The following SEMA4A variants were observed in gnomAD, a reference collection of about 807,000 sequenced individuals.
The protein encoded by SEMA4A is semaphorin-4A.
Under a neutral mutation model 72.5 loss-of-function variants are expected in SEMA4A, and 52 were observed. The ratio of observed to expected loss-of-function variants is 0.72; its 90% CI spans 0.57 to 0.90. The LOEUF is 0.90. SEMA4A is among the 40% of genes least tolerant of loss of function. The pLI is 0.00. For synonymous variants in SEMA4A, 369 were observed against 393.1 expected (o/e 0.94, Z 0.73); for missense variants, 926 against 959.7 (o/e 0.96, Z 0.46).
chr1:156,151,277 G>T (rs1652513517), upstream of SEMA4A, among the ~76,000 whole-genome samples: 1 of 152,236 alleles, frequency 6.6e-6, no homozygotes, highest in South Asian at 2.1e-4. Flanking sequence ...GGCCCTGTGT[G>T]GCTGCACAGG....
chr1:156,152,608 AGGATATGTCTGAGACCAACCCCCGG>A (rs1385762557), upstream of SEMA4A, among the ~76,000 whole-genome samples: 3 of 152,210 alleles, frequency 2.0e-5, no homozygotes, highest in African/African-American at 7.2e-5. Context: ...ATTGTCAGGC[AGGATATGTCTGAGACCAACCCCCGG>A]GGAAACTGAG....
chr1:156,155,859 C>G, intron 2 of SEMA4A: 1 of 195,428 alleles, frequency 5.1e-6, no homozygotes, highest in East Asian at 1.3e-4. Context: ...GCTCACCATC[C>G]CTGCCCAGGG....
At chr1:156,151,662 A>G (rs906064938), upstream of SEMA4A, among the ~76,000 whole-genome samples, 4 of 151,754 alleles carry the variant, frequency 2.6e-5, no homozygotes, top group Admixed American at 2.6e-4. Context: ...GTGAAACCCC[A>G]TCTCTACTAA....
Position 156,154,530 on chromosome 1 carries a change from C to T in SEMA4A, c.-29-20C>T, listed in dbSNP as rs1449213508. On this transcript the variant is annotated intron_variant, in intron 1 of 14. Transcript: ENST00000368285. ...TAAGAACTGCTCACCCAGAAAGTGC[C>T]CGGGTGCCTGTTTCCCCAGAGCTCC... 6.3e-7 allele frequency: 1 copy of T among 1,588,748 alleles called. No individual in the cohort carries two copies. The highest frequency in any genetic ancestry group is 8.5e-7 in the Non-Finnish European group (1 of 1,171,866).
chr1:156,169,510 C>T (rs1654502728), intron 10 of SEMA4A, among the ~76,000 whole-genome samples: 1 of 148,992 alleles, frequency 6.7e-6, no homozygotes, highest in Non-Finnish European at 1.5e-5. Context: ...AGCTCCGCCT[C>T]CCAGGTTCAT....
In SEMA4A at chr1:156,177,529, A is replaced by T. The variant is rs779625915; in HGVS notation, c.*532A>T. The T allele has an allele frequency of 1.1e-5, 2 of 189,990 alleles. No individual in the cohort carries two copies. The highest frequency in any genetic ancestry group is 1.1e-5 in the Non-Finnish European group (1 of 89,276). 11.8% of individuals were successfully genotyped at this position (189,990 alleles called of 1,614,324 possible). Reference sequence around the variant, plus strand: ...AGTCGTGCACCGCTGACTCCCAGGAAGTCTTTCCTGAAGTCTGACCACCTT... The same window carrying T: ...AGTCGTGCACCGCTGACTCCCAGGATGTCTTTCCTGAAGTCTGACCACCTT... On this transcript the variant is annotated 3_prime_UTR_variant, in exon 15 of 15. Coordinates refer to ENST00000368285, the MANE Select transcript of SEMA4A (RefSeq NM_022367.4).
chr1:156,176,379 CT>C, intron 14 of SEMA4A, 25 bp from the exon 15 acceptor site: 1 of 1,549,742 alleles, frequency 6.5e-7, no homozygotes, highest in South Asian at 1.1e-5. Flanking sequence ...TCCCTTAACC[CT>C]TTTGCTCCTT....
At chr1:156,175,325 C>G in intron 13 of SEMA4A, 82 bp downstream of exon 13, 1 of 1,472,662 alleles carries the variant, frequency 6.8e-7, no homozygotes, top group South Asian at 1.2e-5. Context: ...CTTCCTCTCT[C>G]CAGGGGCTAC....
chr1:156,157,934 T>C lies in SEMA4A; in HGVS notation c.301-136T>C. On this transcript the variant is annotated intron_variant, in intron 3 of 14. Transcript: ENST00000368285. This position sits in a 1 kb window ranked among gnomAD's most constrained non-coding sequence, Gnocchi z 4.5. The stretch of plus-strand genomic sequence containing the variant: ...TAGCCATGGTCACAAACTGATGTTA[T>C]TACTGCCCATCAGCATGTCACTAAC... 1.2e-6 allele frequency: 1 copy of C among 803,890 alleles called. No individual in the cohort carries two copies. The highest frequency in any genetic ancestry group is 1.5e-5 in the South Asian group (1 of 68,544). The allele number at this position is 803,890 out of a possible 1,614,324, so 49.8% of individuals were successfully genotyped here. A position where few individuals can be genotyped will look rare whatever the true frequency, so the allele number is the denominator to read the frequency against.
In SEMA4A at chr1:156,157,446, A is replaced by G. The variant is rs1653142667; in HGVS notation, c.301-624A>G. Among the ~76,000 whole-genome samples the G allele has an allele frequency of 6.6e-6, 1 of 152,136 alleles. No homozygotes were observed. The highest frequency in any genetic ancestry group is 1.5e-5 in the Non-Finnish European group (1 of 68,028). Reference sequence around the variant, plus strand: ...TGATCCATCCGCCTCAGGCTTTCTAAGTGCTGGGATTACAGGTGTGAGCCA... The same window carrying G: ...TGATCCATCCGCCTCAGGCTTTCTAGGTGCTGGGATTACAGGTGTGAGCCA... On this transcript the variant is annotated intron_variant, in intron 3 of 14. Coordinates refer to ENST00000368285, the MANE Select transcript of SEMA4A (RefSeq NM_022367.4). The surrounding 1 kb of genome is among the most constrained non-coding windows in gnomAD (Gnocchi z 4.5).
rs767715432 is a variant in SEMA4A, at chr1:156,172,832, G to C, written c.1141G>C (p.Val381Leu). 8.7e-6 allele frequency: 14 copies of C among 1,614,058 alleles called. No homozygotes were observed. Among genetic ancestry groups the C allele is most frequent in the Non-Finnish European group, 1.2e-5 (14 of 1,180,026 alleles). The change falls in exon 11 of 15, where the codon GTG (valine) becomes CTG (leucine). Residue 381 changes from valine to leucine, a missense_variant. Coordinates refer to ENST00000368285, the MANE Select transcript of SEMA4A (RefSeq NM_022367.4). ...ETNPRPGSCS[V>L]GPSSDKALTF... ...TGCCTCCCTCCTCCTTTAGTGCTCA[G>C]TGGGCCCCTCCTCTGATAAGGCCCT...
chr1:156,158,786 C>T lies in SEMA4A; in HGVS notation c.530C>T (p.Pro177Leu), dbSNP rs1653292795. ...GTCATGGAGGGAAAAGGCCAAAGCC[C>T]CTTTGACCCCGCTCACAAGCATACG... ...DKVMEGKGQSPFDPAHKHTAV... is the reference protein window; with the variant it reads ...DKVMEGKGQSLFDPAHKHTAV... Residue 177 changes from proline (P) to leucine (L), a missense_variant, in exon 6 of 15, where the codon CCC becomes CTC. Coordinates refer to ENST00000368285, the MANE Select transcript of SEMA4A (RefSeq NM_022367.4). 2.5e-6 allele frequency: 4 copies of T among 1,614,056 alleles called. No individual in the cohort carries two copies. Among genetic ancestry groups the T allele is most frequent in the Non-Finnish European group, 3.4e-6 (4 of 1,180,012 alleles).
chr1:156,164,600 C>T (rs1189960234), intron 10 of SEMA4A, among the ~76,000 whole-genome samples: 1 of 152,170 alleles, frequency 6.6e-6, no homozygotes. Flanking sequence ...CATACAGTAA[C>T]TGCACCCACC....
intron 10 of SEMA4A, among the ~76,000 whole-genome samples, chr1:156,172,275 C>T (rs1654873098): frequency 6.6e-6 from 1 of 151,402 alleles, no homozygotes; most frequent in Admixed American, 6.6e-5. Context: ...GCCACCACCC[C>T]CAGCTAATAT....
At chr1:156,173,827 G>A (rs1232326779) in intron 11 of SEMA4A, among the ~76,000 whole-genome samples, 1 of 152,058 alleles carries the variant, frequency 6.6e-6, no homozygotes, top group East Asian at 1.9e-4. Flanking sequence ...TAGCCATTGT[G>A]GGCTGGGCAC....
intron 10 of SEMA4A, among the ~76,000 whole-genome samples, chr1:156,166,798 A>G (rs7517707): frequency 0.62 from 94,206 of 151,684 alleles, 29,684 homozygotes; most frequent in African/African-American, 0.68. Context: ...GCGTGGTGGC[A>G]CACACCTGTA....
At chr1:156,176,310 AAG>A in intron 14 of SEMA4A, 93 bp from the exon 15 acceptor site, 1 of 991,716 alleles carries the variant, frequency 1.0e-6, no homozygotes. Flanking sequence ...AAAAAAAAAA[AAG>A]AGGGCTGGGG....
At position 156,170,093 on chromosome 1, in the gene SEMA4A, TGG is replaced by T. The variant is rs1269606053; in HGVS notation, c.1135-2731_1135-2730del. Reference sequence around the variant, plus strand: ...ATCCCAGCACTTTGGGAGGCCGAGGTGGGAGGATAACTTGAGGCCAGGAATTG... The same window carrying T: ...ATCCCAGCACTTTGGGAGGCCGAGGTGAGGATAACTTGAGGCCAGGAATTG... On this transcript the variant is annotated intron_variant, in intron 10 of 14. Coordinates refer to ENST00000368285, the MANE Select transcript of SEMA4A (RefSeq NM_022367.4). Among the ~76,000 whole-genome samples, 21 of 151,760 alleles carry T rather than the reference TGG, an allele frequency of 1.4e-4. No homozygotes were observed. The East Asian group carries it at 4.1e-3, about 30-fold the overall frequency.
intron 11 of SEMA4A, 51 bp downstream of exon 11, chr1:156,173,057 C>T: frequency 6.4e-7 from 1 of 1,571,810 alleles, no homozygotes. Flanking sequence ...CAGAGGATGC[C>T]CCCAGGTTGA....
Sources: allele counts gnomAD v4.1 joint callset (sites outside exome capture counted in the v4.1 genomes callset), GRCh38; gene constraint gnomAD v4.1.1; non-coding constraint Gnocchi (gnomAD v3.1); transcripts MANE v1.5; gene names NCBI Gene and HGNC (gene_info 2026-07-23, HGNC 2026-07-21).